CSMD2: variants seen among roughly 807,000 people sequenced by gnomAD.
CSMD2 encodes CUB and Sushi multiple domains 2, also known as CUB and sushi domain-containing protein 2.
CSMD2 carries 130 observed loss-of-function variants against 398.5 expected under a neutral mutation model. The observed-to-expected ratio is 0.33, with a 90% CI of 0.28 to 0.38. CSMD2 has a LOEUF of 0.38. CSMD2 is among the 10% of genes least tolerant of loss of function. The pLI, the probability that CSMD2 is intolerant of heterozygous loss-of-function variation, is 1.00. For missense variants in CSMD2, 3,829 were observed against 4,764.9 expected (o/e 0.80, Z 5.78); for synonymous variants, 1,828 against 1,908.5 (o/e 0.96, Z 1.10).
rs1284099975 is a variant in CSMD2, at chr1:33,647,788, T to A, written c.4587-953A>T. Among the ~76,000 whole-genome samples the A allele has an allele frequency of 2.0e-5, 3 of 152,156 alleles. No individual in the cohort carries two copies. In the East Asian group the frequency reaches 5.8e-4, roughly 29 times the overall value. ...TTATGGGGACAATGACCCAAAGAAA[T>A]CAGCAGTTTACAAATGGATAACTTG... On this transcript the variant is annotated intron_variant, in intron 28 of 70. Coordinates refer to ENST00000373381, the MANE Select transcript of CSMD2 (RefSeq NM_001281956.2).
chr1:33,759,272 G>C (rs1649468529), intron 13 of CSMD2, among the ~76,000 whole-genome samples: 1 of 151,320 alleles, frequency 6.6e-6, no homozygotes. Flanking sequence ...GAGGGGGAGA[G>C]AGGTAGGAAG....
intron 2 of CSMD2, among the ~76,000 whole-genome samples, chr1:34,041,237 C>T (rs1651805766): frequency 6.6e-6 from 1 of 152,140 alleles, no homozygotes; most frequent in African/African-American, 2.4e-5. Flanking sequence ...TTGAACTCCC[C>T]CACCAGAATT....
intron 64 of CSMD2, among the ~76,000 whole-genome samples, chr1:33,529,110 T>C (rs1188169526): frequency 6.6e-6 from 1 of 152,182 alleles, no homozygotes; most frequent in Non-Finnish European, 1.5e-5. Context: ...AATTGATACG[T>C]CCCAATATTT....
chr1:33,634,054 T>A (rs554650318), intron 31 of CSMD2, among the ~76,000 whole-genome samples: 25 of 152,334 alleles, frequency 1.6e-4, no homozygotes, highest in Non-Finnish European at 3.1e-4. Context: ...CTACCAAGGA[T>A]TCTGCTCTGG....
intron 49 of CSMD2, among the ~76,000 whole-genome samples, chr1:33,573,212 C>A (rs1328911000): frequency 6.6e-6 from 1 of 152,160 alleles, no homozygotes; most frequent in African/African-American, 2.4e-5. Flanking sequence ...ATAGGAGAGA[C>A]TTTGTGGACC....
intron 5 of CSMD2, among the ~76,000 whole-genome samples, chr1:33,908,367 C>A (rs1015319526): frequency 2.0e-5 from 3 of 152,238 alleles, no homozygotes; most frequent in African/African-American, 4.8e-5. Context: ...CTCTGGAGGA[C>A]CCAGAACAAC....
In CSMD2 at chr1:33,810,851, A is replaced by G. The variant is rs1220541888; in HGVS notation, c.1338T>C (p.Asp446=). 1 of 1,612,254 alleles carries G rather than the reference A, an allele frequency of 6.2e-7. No homozygotes were observed. Among genetic ancestry groups the G allele is most frequent in the Non-Finnish European group, 8.5e-7 (1 of 1,179,334 alleles). ...HRPVCRARMC[D]AHLRGPSGII... ...TGCCCGAGGGGCCTCGAAGGTGGGC[A>G]TCACACATGCGGGCTGCAGAGGAGA... Residue 446 remains aspartate (D), a synonymous_variant, in exon 10 of 71, where the codon GAT becomes GAC. Transcript: ENST00000373381.
intron 1 of CSMD2, among the ~76,000 whole-genome samples, chr1:34,151,627 G>C (rs1170537736): frequency 3.3e-5 from 5 of 152,142 alleles, no homozygotes; most frequent in Non-Finnish European, 7.4e-5. Context: ...GAGAGGAAAG[G>C]AGAGAGGCGG....
rs753001856 is a variant in CSMD2, at chr1:33,600,984, C to T, written c.6737G>A (p.Arg2246Gln). 110 of 1,614,030 alleles carry T rather than the reference C, an allele frequency of 6.8e-5. No homozygotes were observed. In the Admixed American group the frequency reaches 1.4e-3, roughly 21 times the overall value. Reference sequence around the variant, plus strand: ...CATGCTCCGGGTGAAGACGCCGAGCCGTGGTGCTGTTTGCTGTGGCCCATC... The same window carrying T: ...CATGCTCCGGGTGAAGACGCCGAGCTGTGGTGCTGTTTGCTGTGGCCCATC... ...IWDGPQQTAP[R>Q]LGVFTRSMAK... is the part of the protein sequence containing the mutation. Residue 2246 changes from arginine to glutamine, a missense_variant, in exon 44 of 71, where the codon CGG (arginine) becomes CAG (glutamine). Arg to Gln is a conservative substitution (Grantham distance 43). This residue lies in a region of CSMD2 where 723 missense variants were observed against 758.6 expected (regional missense o/e 0.95). Transcript: ENST00000373381.
At chr1:33,890,633 T>C (rs542414179) in intron 5 of CSMD2, among the ~76,000 whole-genome samples, 1 of 152,134 alleles carries the variant, frequency 6.6e-6, no homozygotes, top group Admixed American at 6.5e-5. Flanking sequence ...TCATGCTACC[T>C]GACTTCAAAC....
intron 32 of CSMD2, among the ~76,000 whole-genome samples, chr1:33,627,859 G>T (rs1642224375): frequency 6.6e-6 from 1 of 152,260 alleles, no homozygotes. Context: ...TGGCCTGACA[G>T]ATGTGGATAA....
At chr1:33,590,131 GTT>G (rs35685001) in intron 44 of CSMD2, among the ~76,000 whole-genome samples, 28 of 146,238 alleles carry the variant, frequency 1.9e-4, no homozygotes, top group African/African-American at 2.5e-4. Context: ...TTAAAACTAG[GTT>G]TTTTTTTTTT....
In CSMD2 at chr1:33,516,446, A is replaced by G. The variant is rs1653772048; in HGVS notation, c.*178T>C. On this transcript the variant is annotated 3_prime_UTR_variant, in exon 71 of 71. Coordinates refer to ENST00000373381, the MANE Select transcript of CSMD2 (RefSeq NM_001281956.2). ...CACGGCAGGAGTCCTCTCCAGGGTAACTGGCATAGATGGCGGCAGGGCGAG... is the reference window on the plus strand; with the variant it reads ...CACGGCAGGAGTCCTCTCCAGGGTAGCTGGCATAGATGGCGGCAGGGCGAG... 1.3e-5 allele frequency: 2 copies of G among 152,332 alleles called. No homozygotes were observed. Among genetic ancestry groups the G allele is most frequent in the Non-Finnish European group, 2.9e-5 (2 of 68,140 alleles). The allele number at this position is 152,332 out of a possible 1,614,324, so 9.4% of individuals were successfully genotyped here. A position where few individuals can be genotyped will look rare whatever the true frequency, so the allele number is the denominator to read the frequency against.
chr1:33,993,670 C>A (rs933689794), intron 3 of CSMD2, among the ~76,000 whole-genome samples: 1 of 152,184 alleles, frequency 6.6e-6, no homozygotes, highest in Admixed American at 6.5e-5. Flanking sequence ...ATTCCTTTGC[C>A]TATGTCTCTC....
chr1:33,778,107 C>T (rs1652236598), intron 12 of CSMD2, among the ~76,000 whole-genome samples: 1 of 152,208 alleles, frequency 6.6e-6, no homozygotes, highest in Admixed American at 6.5e-5. Context: ...CTTTGGTTTA[C>T]AATGTTACCT....
At chr1:34,128,950 A>G (rs1663030037) in intron 1 of CSMD2, among the ~76,000 whole-genome samples, 1 of 151,940 alleles carries the variant, frequency 6.6e-6, no homozygotes, top group African/African-American at 2.4e-5. Context: ...ACCTGTGCAC[A>G]CACACATCAA....
intron 2 of CSMD2, among the ~76,000 whole-genome samples, chr1:34,085,760 T>A (rs1031204385): frequency 6.6e-6 from 1 of 152,180 alleles, no homozygotes; most frequent in Non-Finnish European, 1.5e-5. Flanking sequence ...TCATTTTATT[T>A]ATAAACAGAC....
intron 5 of CSMD2, among the ~76,000 whole-genome samples, chr1:33,859,052 G>C (rs1322735346): frequency 1.3e-5 from 2 of 152,200 alleles, no homozygotes; most frequent in African/African-American, 4.8e-5. Flanking sequence ...ACAAGCAGGG[G>C]TTAAGAATGG....
rs539116076 is a variant in CSMD2 at position 33,955,232 on chromosome 1, T to C, written c.518-19278A>G. 4.6e-5 allele frequency among the ~76,000 whole-genome samples: 7 copies of C among 152,276 alleles called. No individual in the cohort carries two copies. In the East Asian group the frequency reaches 1.4e-3, roughly 29 times the overall value. ...AATTAGGAGCTCAGCTTGATTTTGT[T>C]TTATCTTATTTTCCCCCACGAGGCG... On this transcript the variant is annotated intron_variant, in intron 3 of 70. Transcript: ENST00000373381.
Sources: allele counts gnomAD v4.1 joint callset (sites outside exome capture counted in the v4.1 genomes callset), GRCh38; gene constraint gnomAD v4.1.1; regional missense constraint gnomAD v4.1.1; transcripts MANE v1.5; gene names NCBI Gene and HGNC (gene_info 2026-07-23, HGNC 2026-07-21).